The following ADAMTS3 variants were observed in gnomAD, a reference collection of about 807,000 sequenced individuals.
ADAMTS3 encodes A disintegrin and metalloproteinase with thrombospondin motifs 3.
ADAMTS3 carries 73 observed loss-of-function variants against 129.0 expected under a neutral mutation model. The observed-to-expected ratio is 0.57, with a 90% confidence interval of 0.47 to 0.69. The LOEUF (loss-of-function observed/expected upper bound fraction) is 0.69. Among genes scored for constraint, ADAMTS3 ranks in the 30% least tolerant of loss-of-function variants. The probability of loss-of-function intolerance (pLI) is 0.00; values close to 1 mark genes in which losing one functional copy is unlikely to be tolerated. For synonymous variants in ADAMTS3, 477 were observed against 510.8 expected (o/e 0.93, Z 0.89); for missense variants, 1,457 against 1,514.5 (o/e 0.96, Z 0.63).
chr4:72,506,959 C>G (rs1720176119), intron 3 of ADAMTS3, among the ~76,000 whole-genome samples: 1 of 152,096 alleles, frequency 6.6e-6, no homozygotes, highest in African/African-American at 2.4e-5. Context: ...ACACTAAAAG[C>G]CTCTAATCCA....
chr4:72,403,933 T>A (rs186497932), intron 4 of ADAMTS3, among the ~76,000 whole-genome samples: 1 of 152,138 alleles, frequency 6.6e-6, no homozygotes, highest in African/African-American at 2.4e-5. Flanking sequence ...CAGAAATGGC[T>A]GGGAGGCTTT....
chr4:72,480,086 C>T (rs1719385575), intron 3 of ADAMTS3, among the ~76,000 whole-genome samples: 3 of 152,166 alleles, frequency 2.0e-5, no homozygotes, highest in Non-Finnish European at 4.4e-5. Flanking sequence ...AACACTTTTA[C>T]ACTGTTGGTG....
At chr4:72,431,850 G>T (rs1722706561) in intron 3 of ADAMTS3, among the ~76,000 whole-genome samples, 1 of 151,814 alleles carries the variant, frequency 6.6e-6, no homozygotes, top group Non-Finnish European at 1.5e-5. Context: ...CCAAGAAAGA[G>T]CCCACGAAAA....
Position 72,319,310 on chromosome 4 carries a change from T to C in ADAMTS3, c.1352+22A>G, listed in dbSNP as rs761599679. On this transcript the variant is annotated intron_variant, in intron 9 of 21. Coordinates refer to ENST00000286657, the MANE Select transcript of ADAMTS3 (RefSeq NM_014243.3). ...GTAGGCTATAAAATAAATACTTTCA[T>C]GACATGCAGCAGGGGACATACTGGA... is the stretch of plus-strand genomic sequence containing the variant. The C allele has an allele frequency of 6.2e-6, 10 of 1,613,004 alleles. No homozygotes were observed. The African/African-American group carries it at 1.3e-4, about 22-fold the overall frequency.
At chr4:72,485,131 G>A (rs979007917) in intron 3 of ADAMTS3, among the ~76,000 whole-genome samples, 2 of 152,140 alleles carry the variant, frequency 1.3e-5, no homozygotes, top group African/African-American at 2.4e-5. Flanking sequence ...AAGCATGTGG[G>A]TTTGTGATTA....
chr4:72,433,453 C>T (rs929693472), intron 3 of ADAMTS3, among the ~76,000 whole-genome samples: 4 of 151,890 alleles, frequency 2.6e-5, no homozygotes, highest in Non-Finnish European at 2.9e-5. Context: ...AACTAAGACT[C>T]GACCCTGGTA....
At chr4:72,472,591 A>G (rs1719101352) in intron 3 of ADAMTS3, among the ~76,000 whole-genome samples, 2 of 152,060 alleles carry the variant, frequency 1.3e-5, no homozygotes, top group Non-Finnish European at 2.9e-5. Context: ...GTTCCCCAAT[A>G]TATATTTAAT....
At chr4:72,351,556 C>CAAAAAAA (rs34564265) in intron 4 of ADAMTS3, among the ~76,000 whole-genome samples, 1 of 124,932 alleles carries the variant, frequency 8.0e-6, no homozygotes. Flanking sequence ...AGGAAATTTC[C>CAAAAAAA]AAAAAAAAAA....
Position 72,548,515 on chromosome 4 carries a change from G to C in ADAMTS3, c.467C>G (p.Pro156Arg), listed in dbSNP as rs1721525005. The C allele has an allele frequency of 1.2e-6, 2 of 1,613,720 alleles. No homozygotes were observed. The highest frequency in any genetic ancestry group is 1.7e-6 in the Non-Finnish European group (2 of 1,179,828). ...GTTGCTGATGGCAACAGAGGTTCCT[G>C]GAATGTCCACGATGTCACCAACATA... ...CAYVGDIVDI[P>R]GTSVAISNCD... The change falls in exon 3 of 22, where the codon CCA becomes CGA. Residue 156 changes from proline (P) to arginine (R), a missense_variant. Transcript: ENST00000286657.
chr4:72,441,706 G>C (rs894178793), intron 3 of ADAMTS3: 1 of 151,762 alleles, frequency 6.6e-6, no homozygotes, highest in East Asian at 2.0e-4. Flanking sequence ...TTGTCATGGG[G>C]AAAAGGCTAA....
intron 5 of ADAMTS3, among the ~76,000 whole-genome samples, chr4:72,327,270 A>G (rs1244593063): frequency 2.0e-5 from 3 of 152,222 alleles, no homozygotes; most frequent in African/African-American, 7.2e-5. Context: ...GAATCTGTCA[A>G]GATGGGCTAA....
At chr4:72,541,878 G>A (rs1459085694) in intron 3 of ADAMTS3, among the ~76,000 whole-genome samples, 1 of 152,024 alleles carries the variant, frequency 6.6e-6, no homozygotes, top group African/African-American at 2.4e-5. Context: ...TTTCTTCATA[G>A]CAGCATTAAA....
In ADAMTS3 at chr4:72,291,282, G is replaced by A. The variant is rs559862201; in HGVS notation, c.2724-220C>T. On this transcript the variant is annotated intron_variant, in intron 19 of 21. Coordinates refer to ENST00000286657, the MANE Select transcript of ADAMTS3 (RefSeq NM_014243.3). ...TATTATTATTATACTTTAAGTTTTA[G>A]GGTACATGTGCACAATGTGCAGGTT... Among the ~76,000 whole-genome samples the A allele has an allele frequency of 4.6e-5, 7 of 152,076 alleles. 1 individual carries two copies. The South Asian group carries it at 1.5e-3, about 32-fold the overall frequency.
At chr4:72,320,992 G>T (rs1298001495) in intron 6 of ADAMTS3, 122 bp from the exon 7 acceptor site, 5 of 1,001,748 alleles carry the variant, frequency 5.0e-6, no homozygotes, top group Non-Finnish European at 7.1e-6. Flanking sequence ...AATATTTGGG[G>T]CTTATTCTGA....
In ADAMTS3 at chr4:72,317,801, G is replaced by A. The variant is rs563683703; in HGVS notation, c.1485+771C>T. Among the ~76,000 whole-genome samples the A allele has an allele frequency of 2.6e-5, 4 of 152,268 alleles. No homozygotes were observed. In the East Asian group the frequency reaches 7.7e-4, roughly 29 times the overall value. On this transcript the variant is annotated intron_variant, in intron 10 of 21. Transcript: ENST00000286657. ...CCAGAACTTTGGGAGGCCAAGGCGG[G>A]CAGATCACAAGGTCAAGGAGTTTGA...
rs73827093 is a variant in ADAMTS3, at chr4:72,424,390, C to T, written c.505-9419G>A. Among the ~76,000 whole-genome samples the T allele has an allele frequency of 4.5e-3, 691 of 152,028 alleles. 9 individuals carry two copies. Among genetic ancestry groups the T allele is most frequent in the African/African-American group, 0.016 (661 of 41,516 alleles). ...TGCCTGGTTCTTATCAAAATACAGG[C>T]GGCAAAAAATAAAATTTGAGAAATA... is the stretch of plus-strand genomic sequence containing the variant. On this transcript the variant is annotated intron_variant, in intron 3 of 21. Coordinates refer to ENST00000286657, the MANE Select transcript of ADAMTS3 (RefSeq NM_014243.3).
intron 3 of ADAMTS3, among the ~76,000 whole-genome samples, chr4:72,463,267 C>G (rs903757421): frequency 4.6e-5 from 7 of 151,962 alleles, no homozygotes; most frequent in Non-Finnish European, 7.4e-5. Context: ...GCATGATGTT[C>G]ACACAATGTG....
intron 19 of ADAMTS3, among the ~76,000 whole-genome samples, chr4:72,293,055 G>A (rs1718717487): frequency 6.6e-6 from 1 of 152,124 alleles, no homozygotes; most frequent in Admixed American, 6.5e-5. Flanking sequence ...AATTTGAGAG[G>A]AAGTCACAGC....
At chr4:72,293,673 C>A (rs1422437389) in intron 19 of ADAMTS3, among the ~76,000 whole-genome samples, 2 of 152,098 alleles carry the variant, frequency 1.3e-5, no homozygotes, top group African/African-American at 4.8e-5. Context: ...GACTGTAAGG[C>A]AAACTTCTAA....
Sources: allele counts gnomAD v4.1 joint callset (sites outside exome capture counted in the v4.1 genomes callset), GRCh38; gene constraint gnomAD v4.1.1; transcripts MANE v1.5; gene names NCBI Gene and HGNC (gene_info 2026-07-23, HGNC 2026-07-21).